The following ST8SIA1 variants were observed in gnomAD, a reference collection of about 807,000 sequenced individuals.
The protein encoded by ST8SIA1 is ST8 alpha-N-acetyl-neuraminide alpha-2,8-sialyltransferase 1, also known as alpha-N-acetylneuraminide alpha-2,8-sialyltransferase.
In ST8SIA1, 16 loss-of-function variants were observed where a neutral mutation model predicts 35.9. The observed-to-expected ratio is 0.45, with a 90% CI of 0.30 to 0.68. The LOEUF is 0.68. ST8SIA1 is among the 30% of genes least tolerant of loss of function. The pLI is 0.09. For synonymous variants in ST8SIA1, 170 were observed against 169.6 expected, an observed-to-expected ratio of 1.00 and a Z score of -0.02; for missense variants, 383 against 453.6, an observed-to-expected ratio of 0.84 and a Z score of 1.41.
At chr12:22,303,167 C>CA (rs2135826317) in intron 1 of ST8SIA1, among the ~76,000 whole-genome samples, 1 of 152,226 alleles carries the variant, frequency 6.6e-6, no homozygotes, top group East Asian at 1.9e-4. Flanking sequence ...TGACCTTTGC[C>CA]AAATCTTCTG....
intron 1 of ST8SIA1, among the ~76,000 whole-genome samples, chr12:22,332,721 T>C (rs1866783791): frequency 6.6e-6 from 1 of 152,204 alleles, no homozygotes; most frequent in African/African-American, 2.4e-5. Flanking sequence ...CTGTTATCTT[T>C]TTAATCCTCT....
chr12:22,317,449 T>C (rs1335117911), intron 1 of ST8SIA1, among the ~76,000 whole-genome samples: 2 of 152,210 alleles, frequency 1.3e-5, no homozygotes, highest in Non-Finnish European at 2.9e-5. Context: ...TCATGAAGTG[T>C]AGTCAAGCTG....
chr12:22,328,668 T>C (rs548395801), intron 1 of ST8SIA1, among the ~76,000 whole-genome samples: 5 of 152,212 alleles, frequency 3.3e-5, no homozygotes, highest in African/African-American at 1.2e-4. Flanking sequence ...ATGCATGGTA[T>C]AAAGAAAACA....
chr12:22,288,341 T>C (rs80343074), intron 1 of ST8SIA1, among the ~76,000 whole-genome samples: 502 of 152,358 alleles, frequency 3.3e-3, no homozygotes, highest in South Asian at 5.8e-3. Flanking sequence ...TGCAGCTTAC[T>C]AACTCCATGA....
At chr12:22,222,418 C>G (rs1321382467) in intron 4 of ST8SIA1, among the ~76,000 whole-genome samples, 1 of 152,120 alleles carries the variant, frequency 6.6e-6, no homozygotes, top group Admixed American at 6.6e-5. Context: ...ATTAGAAAAT[C>G]TCTAATTTTC....
At chr12:22,309,604 A>G (rs1237765935) in intron 1 of ST8SIA1, among the ~76,000 whole-genome samples, 1 of 152,168 alleles carries the variant, frequency 6.6e-6, no homozygotes, top group Admixed American at 6.5e-5. Context: ...TCTGCTCAGT[A>G]TAAATTCTTG....
chr12:22,271,701 C>T (rs1865913453), intron 2 of ST8SIA1, among the ~76,000 whole-genome samples: 2 of 152,192 alleles, frequency 1.3e-5, no homozygotes, highest in African/African-American at 4.8e-5. Context: ...CGCCAATCAT[C>T]ACATTGCTCT....
intron 4 of ST8SIA1, among the ~76,000 whole-genome samples, chr12:22,213,341 T>C (rs1439020339): frequency 6.6e-6 from 1 of 152,178 alleles, no homozygotes; most frequent in Non-Finnish European, 1.5e-5. Context: ...GCTTTTTCTG[T>C]GCAGCAGGCA....
At chr12:22,287,057 A>G in intron 2 of ST8SIA1, 92 bp downstream of exon 2, 1 of 1,222,228 alleles carries the variant, frequency 8.2e-7, no homozygotes, top group Non-Finnish European at 1.1e-6. Flanking sequence ...ACAAAAAGTC[A>G]ATCTGATGAG....
chr12:22,204,121 G>A (rs1591822841), intron 4 of ST8SIA1, among the ~76,000 whole-genome samples: 1 of 151,780 alleles, frequency 6.6e-6, no homozygotes, highest in Non-Finnish European at 1.5e-5. Context: ...TCTGTATCTT[G>A]AGACAAGCTG....
At chr12:22,303,943 AT>A (rs1045174489) in intron 1 of ST8SIA1, among the ~76,000 whole-genome samples, 1 of 151,864 alleles carries the variant, frequency 6.6e-6, no homozygotes, top group Admixed American at 6.6e-5. Context: ...AAAGACTTTC[AT>A]TTTTGACTAC....
intron 1 of ST8SIA1, among the ~76,000 whole-genome samples, chr12:22,320,939 AAGAAAGAAAG>A (rs1866580294): frequency 1.4e-5 from 1 of 71,302 alleles, no homozygotes; most frequent in South Asian, 4.8e-4. Flanking sequence ...GAAAGAAAGA[AAGAAAGAAAG>A]AAAGAAAGAG....
At chr12:22,293,097 C>T (rs896587160) in intron 1 of ST8SIA1, among the ~76,000 whole-genome samples, 10 of 152,178 alleles carry the variant, frequency 6.6e-5, no homozygotes, top group East Asian at 5.8e-4. Context: ...AAAATAATTG[C>T]TTTAGACTGA....
intron 4 of ST8SIA1, among the ~76,000 whole-genome samples, chr12:22,239,177 T>C (rs904346161): frequency 6.6e-6 from 1 of 152,206 alleles, no homozygotes; most frequent in Non-Finnish European, 1.5e-5. Flanking sequence ...TCACTAAAAT[T>C]GTCTGTTTGC....
chr12:22,301,084 T>C (rs1866312998), intron 1 of ST8SIA1, among the ~76,000 whole-genome samples: 1 of 152,060 alleles, frequency 6.6e-6, no homozygotes, highest in South Asian at 2.1e-4. Flanking sequence ...ACAGAGGTAA[T>C]AAATTTCTTT....
At chr12:22,324,292 AAAG>A (rs1274420400) in intron 1 of ST8SIA1, 1 of 152,226 alleles carries the variant, frequency 6.6e-6, no homozygotes, top group African/African-American at 2.4e-5. Context: ...GATTTTAAAA[AAAG>A]AACTGGCGCT....
intron 1 of ST8SIA1, among the ~76,000 whole-genome samples, chr12:22,324,046 G>T (rs1866640878): frequency 6.6e-6 from 1 of 151,448 alleles, no homozygotes; most frequent in Admixed American, 6.6e-5. Context: ...AACCAATATA[G>T]AATTAAGACA....
At chr12:22,279,233 A>G (rs542120025) in intron 2 of ST8SIA1, among the ~76,000 whole-genome samples, 1 of 152,290 alleles carries the variant, frequency 6.6e-6, no homozygotes, top group African/African-American at 2.4e-5. Context: ...TATGGGAATC[A>G]CTACCAAGTT....
intron 2 of ST8SIA1, among the ~76,000 whole-genome samples, chr12:22,281,938 G>T (rs61924163): frequency 0.054 from 8,196 of 152,084 alleles, 324 homozygotes; most frequent in East Asian, 0.15. Context: ...AGCCCAGAAG[G>T]TGGAGGCTTG....
Sources: gnomAD v4.1 joint callset for allele counts (sites outside exome capture counted in the v4.1 genomes callset) on GRCh38, gnomAD v4.1.1 for gene constraint, MANE v1.5 for transcripts, NCBI Gene and HGNC (gene_info 2026-07-23, HGNC 2026-07-21) for gene names.